PHF14: variants seen among roughly 807,000 people sequenced by gnomAD.
PHF14 encodes the protein PHD finger protein 14.
Under a neutral mutation model 117.9 loss-of-function variants are expected in PHF14, and 55 were observed. That is an observed-to-expected ratio of 0.47 (90% CI 0.38 to 0.58). The LOEUF (loss-of-function observed/expected upper bound fraction) is 0.58. PHF14 is among the 20% of genes least tolerant of loss of function. The pLI is 0.00. For missense variants in PHF14, 978 were observed against 1,122.2 expected (o/e 0.87, Z 1.84); for synonymous variants, 409 against 368.6 (o/e 1.11, Z -1.26).
intron 16 of PHF14, among the ~76,000 whole-genome samples, chr7:11,077,674 G>C (rs1489645564): frequency 6.7e-6 from 1 of 149,958 alleles, no homozygotes; most frequent in Non-Finnish European, 1.5e-5. Context: ...TTGGAGAACA[G>C]ATATACCTCG....
intron 16 of PHF14, among the ~76,000 whole-genome samples, chr7:11,097,206 C>T (rs1005365930): frequency 2.8e-4 from 43 of 152,058 alleles, no homozygotes; most frequent in African/African-American, 9.6e-4. Context: ...CTCGAACTCC[C>T]GATCTCAGGT....
At chr7:11,040,277 A>G (rs910900344) in intron 11 of PHF14, among the ~76,000 whole-genome samples, 2 of 152,112 alleles carry the variant, frequency 1.3e-5, no homozygotes, top group African/African-American at 4.8e-5. Flanking sequence ...GTCCAATAAG[A>G]TAATTTTTCT....
At chr7:11,115,172 C>A (rs1303784830) in intron 17 of PHF14, among the ~76,000 whole-genome samples, 1 of 151,958 alleles carries the variant, frequency 6.6e-6, no homozygotes, top group Non-Finnish European at 1.5e-5. Flanking sequence ...CCAGTCTGCT[C>A]TTTGCTCCTT....
intron 17 of PHF14, among the ~76,000 whole-genome samples, chr7:11,143,651 C>G (rs1788460950): frequency 6.6e-6 from 1 of 152,070 alleles, no homozygotes; most frequent in African/African-American, 2.4e-5. Context: ...GTATGTTTTT[C>G]TAGCTTTTCT....
chr7:10,974,440 C>A (rs1279684283), intron 1 of PHF14, 116 bp downstream of exon 1: 17 of 868,610 alleles, frequency 2.0e-5, no homozygotes, highest in Non-Finnish European at 3.2e-5. Context: ...GATTGGTGGA[C>A]CCTCGCCCTC....
chr7:11,092,407 A>C (rs2995881), intron 16 of PHF14, among the ~76,000 whole-genome samples: 1 of 151,998 alleles, frequency 6.6e-6, no homozygotes, highest in African/African-American at 2.4e-5. Context: ...CTGGAGACTA[A>C]ACTATGGCAA....
At chr7:11,137,590 CTTTTT>C (rs5882293) in intron 17 of PHF14, among the ~76,000 whole-genome samples, 1 of 93,966 alleles carries the variant, frequency 1.1e-5, no homozygotes, top group Non-Finnish European at 2.0e-5. Flanking sequence ...CTTAAAAATT[CTTTTT>C]TTTTTTTTTT....
intron 4 of PHF14, among the ~76,000 whole-genome samples, chr7:11,000,564 C>G (rs1489846875): frequency 3.3e-5 from 5 of 152,088 alleles, no homozygotes; most frequent in Non-Finnish European, 7.4e-5. Flanking sequence ...GTCTCAAACT[C>G]CAGACCTCAA....
intron 4 of PHF14, among the ~76,000 whole-genome samples, chr7:11,005,058 A>G (rs570776164): frequency 3.9e-5 from 6 of 152,034 alleles, no homozygotes; most frequent in Non-Finnish European, 7.4e-5. Flanking sequence ...ATTATTGGTG[A>G]TAGTTTAGGT....
At chr7:11,020,960 T>C (rs1174844639) in intron 5 of PHF14, among the ~76,000 whole-genome samples, 4 of 152,194 alleles carry the variant, frequency 2.6e-5, no homozygotes, top group Non-Finnish European at 4.4e-5. Context: ...TAGACACTTA[T>C]AATTGATTAC....
At chr7:11,054,432 C>T (rs1400886077) in intron 14 of PHF14, among the ~76,000 whole-genome samples, 1 of 152,020 alleles carries the variant, frequency 6.6e-6, no homozygotes, top group African/African-American at 2.4e-5. Context: ...GAAAACCAGA[C>T]AATTGGTGCG....
At chr7:11,061,584 A>G (rs1201846328) in intron 14 of PHF14, 2 of 359,174 alleles carry the variant, frequency 5.6e-6, no homozygotes, top group Admixed American at 4.4e-5. Flanking sequence ...ACTATAAAGT[A>G]TATTTAATTT....
At chr7:10,990,025 C>T (rs1340353280) in intron 3 of PHF14, among the ~76,000 whole-genome samples, 1 of 152,154 alleles carries the variant, frequency 6.6e-6, no homozygotes, top group African/African-American at 2.4e-5. Flanking sequence ...TTCTCTGACC[C>T]TTCTAGCAGC....
intron 11 of PHF14, among the ~76,000 whole-genome samples, chr7:11,040,304 A>G (rs970221435): frequency 1.3e-5 from 2 of 152,146 alleles, no homozygotes; most frequent in Non-Finnish European, 2.9e-5. Flanking sequence ...CCTATGGAAC[A>G]CCAATATAGC....
At chr7:11,105,918 G>T in intron 16 of PHF14, 1 of 977,964 alleles carries the variant, frequency 1.0e-6, no homozygotes, top group Non-Finnish European at 1.2e-6. Context: ...AGCATAATTA[G>T]TTAATTATGA....
At chr7:11,013,565 ATAC>A (rs1783426776) in intron 4 of PHF14, among the ~76,000 whole-genome samples, 179 bp from the exon 5 acceptor site, 1 of 152,200 alleles carries the variant, frequency 6.6e-6, no homozygotes. Context: ...TTCATTGTGT[ATAC>A]TACATTAGGT....
intron 16 of PHF14, chr7:11,107,121 A>T (rs930071421): frequency 1.8e-5 from 18 of 980,870 alleles, no homozygotes; most frequent in Non-Finnish European, 1.9e-5. Flanking sequence ...GAAATTAGAG[A>T]TGTTAAACCC....
At chr7:11,045,381 G>T (rs1316903264) in intron 13 of PHF14, among the ~76,000 whole-genome samples, 3 of 151,974 alleles carry the variant, frequency 2.0e-5, no homozygotes, top group South Asian at 2.1e-4. Context: ...ACTTCCACAG[G>T]TCCCTCTGGT....
chr7:11,007,872 G>A (rs867861202), intron 4 of PHF14, among the ~76,000 whole-genome samples: 4 of 152,004 alleles, frequency 2.6e-5, no homozygotes, highest in Admixed American at 6.6e-5. Context: ...GCCAAATTTC[G>A]CTTATTGAAT....
Sources: allele counts gnomAD v4.1 joint callset (sites outside exome capture counted in the v4.1 genomes callset), GRCh38; gene constraint gnomAD v4.1.1; transcripts MANE v1.5; gene names NCBI Gene and HGNC (gene_info 2026-07-23, HGNC 2026-07-21).